Variants in SLC9D1 observed in about 807,000 individuals in gnomAD.
SLC9D1 encodes the protein solute carrier family 9 member D1.
the SLC9D1 span, among the ~76,000 whole-genome samples, chr13:113,497,090 G>T: frequency 1.3e-5 from 2 of 151,996 alleles, no homozygotes; most frequent in African/African-American, 2.4e-5. Flanking sequence ...GCAGCTGTGT[G>T]TCAGACCTGC....
At chr13:113,496,283 A>G in the SLC9D1 span, among the ~76,000 whole-genome samples, 4 of 152,250 alleles carry the variant, frequency 2.6e-5, no homozygotes, top group South Asian at 2.1e-4. Flanking sequence ...AGAAGGAGCC[A>G]GTCTCATACT....
the SLC9D1 span, among the ~76,000 whole-genome samples, chr13:113,548,938 G>A: frequency 1.3e-3 from 205 of 152,242 alleles, 6 homozygotes; most frequent in East Asian, 0.035. Flanking sequence ...ATTGCTGAAA[G>A]GTAGAATTGC....
chr13:113,520,544 C>T, the SLC9D1 span: 1 of 974,420 alleles, frequency 1.0e-6, no homozygotes, highest in Non-Finnish European at 1.6e-6. Context: ...GAAGTGTGTA[C>T]AATGGCAATA....
chr13:113,536,755 G>A, the SLC9D1 span: 104 of 168,496 alleles, frequency 6.2e-4, no homozygotes, highest in African/African-American at 2.3e-3. Flanking sequence ...CTTAGGATTC[G>A]TTTCCATTTA....
At chr13:113,492,726 C>T in the SLC9D1 span, among the ~76,000 whole-genome samples, 5 of 152,244 alleles carry the variant, frequency 3.3e-5, no homozygotes, top group Non-Finnish European at 7.4e-5. Flanking sequence ...GGCAAAACAC[C>T]GTCTCTACTA....
chr13:113,529,824 AGT>A, the SLC9D1 span: 1 of 152,224 alleles, frequency 6.6e-6, no homozygotes, highest in African/African-American at 2.4e-5. Context: ...GGGGTACAAC[AGT>A]GTGAATCCAC....
the SLC9D1 span, chr13:113,501,636 T>C: frequency 7.9e-5 from 62 of 780,366 alleles, 2 homozygotes; most frequent in South Asian, 6.0e-4. Flanking sequence ...GTCTTCACCC[T>C]TCATTCCCAT....
the SLC9D1 span, among the ~76,000 whole-genome samples, chr13:113,522,638 C>T: frequency 6.6e-6 from 1 of 152,026 alleles, no homozygotes; most frequent in Non-Finnish European, 1.5e-5. Context: ...CCGCGCCCGG[C>T]TGTTGTTGTT....
At chr13:113,502,685 G>C in the SLC9D1 span, among the ~76,000 whole-genome samples, 1 of 152,212 alleles carries the variant, frequency 6.6e-6, no homozygotes, top group Non-Finnish European at 1.5e-5. Context: ...CACGGTGCGA[G>C]CAGCGTGGAG....
the SLC9D1 span, among the ~76,000 whole-genome samples, chr13:113,517,794 T>G: frequency 1.3e-5 from 2 of 151,390 alleles, no homozygotes; most frequent in Non-Finnish European, 2.9e-5. Context: ...CAGAATAAGG[T>G]CAAGTGGGGA....
At chr13:113,494,785 G>A in the SLC9D1 span, among the ~76,000 whole-genome samples, 7 of 152,080 alleles carry the variant, frequency 4.6e-5, no homozygotes, top group Admixed American at 2.6e-4. Context: ...AGAAGATTTC[G>A]TTTCTGGAGT....
the SLC9D1 span, chr13:113,498,631 G>T: frequency 2.3e-6 from 2 of 853,260 alleles, no homozygotes; most frequent in East Asian, 6.2e-5. Context: ...TGAAAATGAA[G>T]ACAAACTAAA....
chr13:113,500,139 A>G, the SLC9D1 span: 2 of 1,508,948 alleles, frequency 1.3e-6, no homozygotes, highest in South Asian at 1.4e-5. Context: ...GCAGATCACC[A>G]CTTTATAAAG....
chr13:113,522,610 G>C, the SLC9D1 span, among the ~76,000 whole-genome samples: 1 of 152,164 alleles, frequency 6.6e-6, no homozygotes, highest in African/African-American at 2.4e-5. Flanking sequence ...AAAGTGCTGG[G>C]ATTATAGGCG....
chr13:113,519,976 C>T, the SLC9D1 span, among the ~76,000 whole-genome samples: 1 of 152,348 alleles, frequency 6.6e-6, no homozygotes, highest in Non-Finnish European at 1.5e-5. Flanking sequence ...GCAAAGGCTT[C>T]TCCATGTGTT....
At chr13:113,529,476 C>A in the SLC9D1 span, 2 of 152,180 alleles carry the variant, frequency 1.3e-5, no homozygotes, top group African/African-American at 2.4e-5. Context: ...CGGTGAAACC[C>A]CGTCTCTACT....
the SLC9D1 span, among the ~76,000 whole-genome samples, chr13:113,492,767 G>C: frequency 6.6e-6 from 1 of 152,102 alleles, no homozygotes; most frequent in Admixed American, 6.6e-5. Context: ...GTGTGGTGGC[G>C]AGCGCCTGTA....
chr13:113,497,261 A>C, the SLC9D1 span, among the ~76,000 whole-genome samples: 1 of 148,076 alleles, frequency 6.8e-6, no homozygotes, highest in African/African-American at 2.5e-5. Context: ...ACCTGCAGCT[A>C]TGTGAGACCA....
chr13:113,495,028 A>G, the SLC9D1 span, among the ~76,000 whole-genome samples: 5 of 151,992 alleles, frequency 3.3e-5, no homozygotes, highest in Non-Finnish European at 5.9e-5. Context: ...CCAGGCCCAT[A>G]TTTTTAGTAG....
Sources: gnomAD v4.1 joint callset for allele counts (sites outside exome capture counted in the v4.1 genomes callset) on GRCh38, gnomAD v4.1.1 for gene constraint, MANE v1.5 for transcripts, NCBI Gene and HGNC (gene_info 2026-07-23, HGNC 2026-07-21) for gene names.